Variants in TRAPPC9 observed in about 807,000 individuals in gnomAD.
TRAPPC9 encodes the protein IKK2 binding protein.
A neutral mutation model predicts 124.0 loss-of-function variants in TRAPPC9; 83 were observed. That is an observed-to-expected ratio of 0.67 (90% CI 0.56 to 0.80). TRAPPC9 has a LOEUF of 0.80. Ranked by LOEUF, TRAPPC9 falls within the 30% of genes least tolerant of loss-of-function variation. The pLI is 0.00. For synonymous variants in TRAPPC9, 638 were observed against 617.5 expected (o/e 1.03, Z -0.49); for missense variants, 1,302 against 1,508.3 (o/e 0.86, Z 2.27).
intron 21 of TRAPPC9, among the ~76,000 whole-genome samples, chr8:139,845,005 C>G (rs1826982008): frequency 6.6e-6 from 1 of 152,168 alleles, no homozygotes; most frequent in Non-Finnish European, 1.5e-5. Flanking sequence ...TCCTCCACAC[C>G]TTCCCATCCG....
intron 21 of TRAPPC9, among the ~76,000 whole-genome samples, chr8:139,835,025 A>G (rs1826242485): frequency 6.6e-6 from 1 of 152,172 alleles, no homozygotes. Context: ...GCCAAAGGTG[A>G]AGATTTCAAA....
chr8:140,218,565 A>G (rs1217314650), intron 17 of TRAPPC9, among the ~76,000 whole-genome samples: 4 of 151,776 alleles, frequency 2.6e-5, no homozygotes, highest in African/African-American at 9.7e-5. Context: ...TGGCCAGGAG[A>G]GACAAGCAGA....
chr8:139,972,137 T>G (rs1295721417), intron 19 of TRAPPC9, among the ~76,000 whole-genome samples: 1 of 152,110 alleles, frequency 6.6e-6, no homozygotes, highest in African/African-American at 2.4e-5. Context: ...TAGTTACATA[T>G]TTTTAATTTT....
intron 4 of TRAPPC9, among the ~76,000 whole-genome samples, chr8:140,431,416 G>A (rs557876354): frequency 4.0e-5 from 6 of 151,804 alleles, no homozygotes; most frequent in South Asian, 2.1e-4. Flanking sequence ...ACTGCACTCC[G>A]GCCTCGGCGA....
rs138354173 is a variant in TRAPPC9 at position 140,122,914 on chromosome 8, G to A, written c.2556+98545C>T. Among the ~76,000 whole-genome samples, 944 of 152,340 alleles carry A rather than the reference G, an allele frequency of 6.2e-3. 5 individuals carry two copies. The highest frequency in any genetic ancestry group is 0.01 in the Non-Finnish European group (685 of 68,020). On this transcript the variant is annotated intron_variant, in intron 17 of 22. Coordinates refer to ENST00000438773, the MANE Select transcript of TRAPPC9 (RefSeq NM_001160372.4). ...TGGGATCCACAGCCATCCCGAGCAC[G>A]AGGTTATTCACAGTTTGCATAGACT...
At chr8:140,151,717 A>T (rs2061546382) in intron 17 of TRAPPC9, among the ~76,000 whole-genome samples, 6 of 152,220 alleles carry the variant, frequency 3.9e-5, no homozygotes, top group Admixed American at 3.9e-4. Flanking sequence ...ATGTCATTCA[A>T]CCCATAATAC....
chr8:140,299,550 G>A (rs1015927929), intron 11 of TRAPPC9, among the ~76,000 whole-genome samples: 3 of 152,268 alleles, frequency 2.0e-5, no homozygotes, highest in Non-Finnish European at 4.4e-5. Flanking sequence ...CGGAGGCCCC[G>A]GCAGTCGCCA....
At chr8:140,057,971 T>A (rs1423868673) in intron 17 of TRAPPC9, among the ~76,000 whole-genome samples, 3 of 152,150 alleles carry the variant, frequency 2.0e-5, no homozygotes. Flanking sequence ...TGCACCACGC[T>A]GGGGGCAGCA....
intron 15 of TRAPPC9, among the ~76,000 whole-genome samples, chr8:140,275,170 G>A (rs771220759): frequency 7.2e-5 from 11 of 152,042 alleles, no homozygotes; most frequent in East Asian, 1.9e-4. Context: ...AGAGGAAATC[G>A]AGGCACAGGA....
chr8:140,050,000 TCAGG>T (rs1472641151), intron 17 of TRAPPC9, among the ~76,000 whole-genome samples: 4 of 152,282 alleles, frequency 2.6e-5, no homozygotes, highest in African/African-American at 9.6e-5. Flanking sequence ...GCGGTGACTG[TCAGG>T]CAGGCCACTG....
chr8:140,113,602 G>A (rs932115495), intron 17 of TRAPPC9, among the ~76,000 whole-genome samples: 29 of 152,172 alleles, frequency 1.9e-4, no homozygotes, highest in African/African-American at 6.5e-4. Flanking sequence ...GGGAGGAGAC[G>A]CCAGGCAGAC....
chr8:139,918,756 G>T (rs984297505), intron 19 of TRAPPC9, among the ~76,000 whole-genome samples: 1 of 152,190 alleles, frequency 6.6e-6, no homozygotes, highest in East Asian at 1.9e-4. Flanking sequence ...TTTCTTCAGC[G>T]CAGAAAATAG....
chr8:140,035,657 C>G (rs1392657430), intron 17 of TRAPPC9, among the ~76,000 whole-genome samples: 18 of 152,186 alleles, frequency 1.2e-4, no homozygotes, highest in Admixed American at 6.5e-5. Context: ...TGCTCCAGTT[C>G]CCGTAGCTAG....
chr8:140,156,981 C>CTTTCCATTCAAAAGCCTCCCT (rs1563804025), intron 17 of TRAPPC9, among the ~76,000 whole-genome samples: 2 of 39,312 alleles, frequency 5.1e-5, no homozygotes, highest in Admixed American at 3.1e-4. Flanking sequence ...AAAAGCCTCC[C>CTTTCCATTCAAAAGCCTCCCT]TTTCCATTCA....
intron 17 of TRAPPC9, among the ~76,000 whole-genome samples, chr8:140,191,103 A>T (rs980827955): frequency 2.0e-5 from 3 of 152,222 alleles, no homozygotes; most frequent in Non-Finnish European, 4.4e-5. Flanking sequence ...CCACCAAGGC[A>T]CAAGTGCATT....
At chr8:140,095,379 G>A (rs752576199) in intron 17 of TRAPPC9, 1 of 152,268 alleles carries the variant, frequency 6.6e-6, no homozygotes, top group Admixed American at 6.5e-5. Flanking sequence ...AGAGCTGTGA[G>A]GCACTGGTTA....
At chr8:140,333,113 G>A (rs1394977366) in intron 9 of TRAPPC9, among the ~76,000 whole-genome samples, 3 of 134,736 alleles carry the variant, frequency 2.2e-5, no homozygotes, top group African/African-American at 8.7e-5. Context: ...GCTAAAAAGC[G>A]AGACTTTGTC....
intron 17 of TRAPPC9, among the ~76,000 whole-genome samples, chr8:140,108,362 C>T (rs1358222618): frequency 6.6e-6 from 1 of 152,194 alleles, no homozygotes; most frequent in Admixed American, 6.5e-5. Flanking sequence ...GCAACACTTG[C>T]TCAATTCTGA....
rs188518937 is a variant in TRAPPC9 at position 140,024,510 on chromosome 8, G to A, written c.2557-431C>T. ...CCTCCCAGGTCCAAGCAATTCTCCT[G>A]CCTCAGCCTCCCAAGTAGCTGAGAT... is the stretch of plus-strand genomic sequence containing the variant. On this transcript the variant is annotated intron_variant, in intron 17 of 22. Transcript: ENST00000438773. Among the ~76,000 whole-genome samples, 326 of 151,850 alleles carry A rather than the reference G, an allele frequency of 2.1e-3. 4 individuals are homozygous for A. The highest frequency in any genetic ancestry group is 1.7e-3 in the Non-Finnish European group (114 of 67,960).
Sources: gnomAD v4.1 joint callset for allele counts (sites outside exome capture counted in the v4.1 genomes callset) on GRCh38, gnomAD v4.1.1 for gene constraint, MANE v1.5 for transcripts, NCBI Gene and HGNC (gene_info 2026-07-23, HGNC 2026-07-21) for gene names.